Variants in MFHAS1 observed in about 807,000 individuals in gnomAD.
MFHAS1 encodes the protein malignant fibrous histiocytoma-amplified sequence 1.
MFHAS1 carries 50 observed loss-of-function variants against 70.4 expected under a neutral mutation model. That is an observed-to-expected ratio of 0.71 (90% CI 0.57 to 0.90). MFHAS1 has a LOEUF of 0.90. Ranked by LOEUF, MFHAS1 falls within the 40% of genes least tolerant of loss-of-function variation. The pLI, the probability that MFHAS1 is intolerant of heterozygous loss-of-function variation, is 0.00. For missense variants in MFHAS1, 1,795 were observed against 1,347.6 expected (o/e 1.33, Z -5.20); for synonymous variants, 952 against 620.0 (o/e 1.54, Z -7.96).
At chr8:8,803,043 A>C (rs1253088826) in intron 1 of MFHAS1, among the ~76,000 whole-genome samples, 1 of 152,182 alleles carries the variant, frequency 6.6e-6, no homozygotes, top group Non-Finnish European at 1.5e-5. Context: ...ACTAAGCCAC[A>C]TATACTCTTA....
At chr8:8,841,210 C>A (rs986701205) in intron 1 of MFHAS1, among the ~76,000 whole-genome samples, 8 of 152,170 alleles carry the variant, frequency 5.3e-5, no homozygotes, top group African/African-American at 1.9e-4. Flanking sequence ...CGTGGTGGCT[C>A]ACAACCGTAA....
chr8:8,819,608 C>CAAAAAAAAAAAAAAAA (rs201326485), intron 1 of MFHAS1, among the ~76,000 whole-genome samples: 1 of 91,262 alleles, frequency 1.1e-5, no homozygotes, highest in Non-Finnish European at 2.2e-5. Flanking sequence ...CAACTCAAAA[C>CAAAAAAAAAAAAAAAA]AAAAAAAAAA....
rs752529319 is a variant in MFHAS1, at chr8:8,891,592, G to A, written c.1467C>T (p.Pro489=). 2 of 1,613,450 alleles carry A rather than the reference G, an allele frequency of 1.2e-6. No homozygotes were observed. Among genetic ancestry groups the A allele is most frequent in the Admixed American group, 3.3e-5 (2 of 60,036 alleles). The stretch of plus-strand genomic sequence containing the variant: ...ATAGGGCCCCTGGGGACAGGAAGAA[G>A]GGCTGGATCACCTCATAACTTTCAT... ...AGDESYEVIQ[P]FFLSPGALYV... Residue 489 remains proline (P), a synonymous_variant, in exon 1 of 3, where the codon CCC becomes CCT. Transcript: ENST00000276282. This position sits in a 1 kb window ranked among gnomAD's most constrained non-coding sequence, Gnocchi z 5.4.
rs1259033042 is a variant in MFHAS1 at position 8,892,922 on chromosome 8, T to TCGGCCC, written c.131_136dup (p.Gly44_Ala45dup). The TCGGCCC allele has an allele frequency of 3.9e-6, 6 of 1,555,092 alleles. No homozygotes were observed. The highest frequency in any genetic ancestry group is 1.4e-5 in the African/African-American group (1 of 71,460). ...GGGGGAGGCGGGGGACTCGAGCGCGTCGGCCCCGGCCCCGGGGCAGGCCCC... is the reference window on the plus strand; with the variant it reads ...GGGGGAGGCGGGGGACTCGAGCGCGTCGGCCCCGGCCCCGGCCCCGGGGCAGGCCCC... On this transcript the variant is annotated inframe_insertion, in exon 1 of 3. Transcript: ENST00000276282. This position sits in a 1 kb window ranked among gnomAD's most constrained non-coding sequence, Gnocchi z 4.7.
intron 1 of MFHAS1, among the ~76,000 whole-genome samples, chr8:8,867,436 A>T (rs1170778365): frequency 6.6e-6 from 1 of 152,182 alleles, no homozygotes; most frequent in African/African-American, 2.4e-5. Flanking sequence ...TCGCACAGAA[A>T]ATTTTTTTTA....
intron 1 of MFHAS1, among the ~76,000 whole-genome samples, chr8:8,842,056 A>C (rs1807847720): frequency 6.6e-6 from 1 of 152,204 alleles, no homozygotes; most frequent in South Asian, 2.1e-4. Flanking sequence ...GAGTGCCAAC[A>C]AGGCTGCGCC....
chr8:8,817,593 G>C (rs932032112), intron 1 of MFHAS1, among the ~76,000 whole-genome samples: 4 of 152,166 alleles, frequency 2.6e-5, no homozygotes, highest in African/African-American at 7.2e-5. Context: ...GCCCGCAGAT[G>C]GGGGGGCTCT....
intron 1 of MFHAS1, among the ~76,000 whole-genome samples, chr8:8,808,433 C>T (rs1806416750): frequency 6.6e-6 from 1 of 152,222 alleles, no homozygotes; most frequent in Non-Finnish European, 1.5e-5. Flanking sequence ...TAATACGTCA[C>T]CCTTATTTTA....
At chr8:8,837,452 G>C (rs770217738) in intron 1 of MFHAS1, among the ~76,000 whole-genome samples, 4 of 152,112 alleles carry the variant, frequency 2.6e-5, no homozygotes, top group Admixed American at 1.3e-4. Flanking sequence ...AACCAGTCTG[G>C]CCAACATGGT....
chr8:8,888,541 A>C (rs10107645), intron 1 of MFHAS1, among the ~76,000 whole-genome samples: 16,331 of 149,424 alleles, frequency 0.11, 977 homozygotes, highest in Middle Eastern at 0.2. Flanking sequence ...CACACACACA[A>C]AAACAGTTGT....
rs190974346 is a variant in MFHAS1, at chr8:8,845,178, C to G, written c.2998+44883G>C. 2.2e-4 allele frequency among the ~76,000 whole-genome samples: 34 copies of G among 152,272 alleles called. No homozygotes were observed. The East Asian group carries it at 4.8e-3, about 22-fold the overall frequency. On this transcript the variant is annotated intron_variant, in intron 1 of 2. Transcript: ENST00000276282. ...AATCAAGTGGATTTTTTATGTTCTG[C>G]TTCAACTGCCATTCTTTTTCAGATT...
chr8:8,831,227 C>T (rs1807374932), intron 1 of MFHAS1, among the ~76,000 whole-genome samples: 1 of 151,980 alleles, frequency 6.6e-6, no homozygotes, highest in Non-Finnish European at 1.5e-5. Context: ...ACCTTAAAAC[C>T]TCCTTATAGA....
intron 1 of MFHAS1, among the ~76,000 whole-genome samples, chr8:8,849,549 C>T (rs1250356640): frequency 1.3e-5 from 2 of 152,124 alleles, no homozygotes; most frequent in Non-Finnish European, 2.9e-5. Context: ...AAGATATTTG[C>T]CAGTTGCAAA....
At chr8:8,829,019 C>G (rs2117318955) in intron 1 of MFHAS1, among the ~76,000 whole-genome samples, 1 of 152,290 alleles carries the variant, frequency 6.6e-6, no homozygotes, top group East Asian at 1.9e-4. Flanking sequence ...CTATTCTCCC[C>G]AGCCTCTCAC....
At chr8:8,822,019 A>C (rs1043006467) in intron 1 of MFHAS1, 1 of 152,278 alleles carries the variant, frequency 6.6e-6, no homozygotes, top group Admixed American at 6.5e-5. Context: ...ATGCCTCGTA[A>C]GACTGTGGTG....
At chr8:8,807,670 C>T (rs143168039) in intron 1 of MFHAS1, among the ~76,000 whole-genome samples, 267 of 152,300 alleles carry the variant, frequency 1.8e-3, no homozygotes, top group Middle Eastern at 6.8e-3. Flanking sequence ...CACTTAAAAA[C>T]CTCACCATCC....
chr8:8,865,412 T>C (rs1808820917), intron 1 of MFHAS1, among the ~76,000 whole-genome samples: 2 of 150,706 alleles, frequency 1.3e-5, no homozygotes, highest in Non-Finnish European at 3.0e-5. Context: ...AACTCCTGGA[T>C]ACAAAAATCA....
chr8:8,800,321 A>C (rs989968827), intron 1 of MFHAS1, among the ~76,000 whole-genome samples: 1 of 152,246 alleles, frequency 6.6e-6, no homozygotes, highest in African/African-American at 2.4e-5. Context: ...ATGCACTTCA[A>C]ACACCAGCTA....
intron 1 of MFHAS1, among the ~76,000 whole-genome samples, chr8:8,883,310 T>A (rs561684740): frequency 6.6e-6 from 1 of 152,302 alleles, no homozygotes; most frequent in African/African-American, 2.4e-5. Flanking sequence ...GAGAGGGCAG[T>A]ACTGGGCCTG....
Sources: allele counts gnomAD v4.1 joint callset (sites outside exome capture counted in the v4.1 genomes callset), GRCh38; gene constraint gnomAD v4.1.1; non-coding constraint Gnocchi (gnomAD v3.1); transcripts MANE v1.5; gene names NCBI Gene and HGNC (gene_info 2026-07-23, HGNC 2026-07-21).